ARHGAP42: variants seen among roughly 807,000 people sequenced by gnomAD.
The protein encoded by ARHGAP42 is rho GTPase-activating protein 42.
A neutral mutation model predicts 125.0 loss-of-function variants in ARHGAP42; 63 were observed. The observed-to-expected ratio is 0.50, with a 90% CI of 0.41 to 0.62. The LOEUF (loss-of-function observed/expected upper bound fraction) is 0.62, where lower values mean the gene tolerates loss of function less well. Ranked by LOEUF, ARHGAP42 falls within the 20% of genes least tolerant of loss-of-function variation. The pLI, the probability that ARHGAP42 is intolerant of heterozygous loss-of-function variation, is 0.00. For missense variants in ARHGAP42, 766 were observed against 1,024.2 expected (o/e 0.75, Z 3.44); for synonymous variants, 339 against 351.0 (o/e 0.97, Z 0.38).
intron 3 of ARHGAP42, among the ~76,000 whole-genome samples, chr11:100,846,767 C>T (rs1358746244): frequency 2.0e-5 from 3 of 152,080 alleles, no homozygotes; most frequent in South Asian, 2.1e-4. Flanking sequence ...GAGACTTAGC[C>T]TAGGAATATT....
intron 4 of ARHGAP42, among the ~76,000 whole-genome samples, chr11:100,876,827 T>G (rs1865833480): frequency 6.6e-6 from 1 of 152,216 alleles, no homozygotes; most frequent in South Asian, 2.1e-4. Context: ...TGTTCTGTAT[T>G]TAGAGTTGAT....
intron 1 of ARHGAP42, among the ~76,000 whole-genome samples, chr11:100,714,486 T>A (rs1008904228): frequency 2.0e-5 from 3 of 151,940 alleles, no homozygotes; most frequent in Non-Finnish European, 2.9e-5. Flanking sequence ...CCAGAGCTGA[T>A]GGGATGCCTC....
At chr11:100,940,613 A>G (rs1867854722) in intron 8 of ARHGAP42, among the ~76,000 whole-genome samples, 1 of 152,198 alleles carries the variant, frequency 6.6e-6, no homozygotes, top group South Asian at 2.1e-4. Context: ...GAAAGTGAAC[A>G]TTACACATAC....
chr11:100,816,247 C>A (rs1591205220), intron 3 of ARHGAP42, among the ~76,000 whole-genome samples: 1 of 152,130 alleles, frequency 6.6e-6, no homozygotes, highest in South Asian at 2.1e-4. Flanking sequence ...ATAATGGCTG[C>A]ACTGTTTTAC....
chr11:100,900,601 T>A (rs1283613330), intron 4 of ARHGAP42, among the ~76,000 whole-genome samples: 1 of 152,168 alleles, frequency 6.6e-6, no homozygotes, highest in Non-Finnish European at 1.5e-5. Context: ...GAGGCTTTGT[T>A]CATTTCTTTT....
intron 6 of ARHGAP42, among the ~76,000 whole-genome samples, chr11:100,926,982 A>G (rs1565279565): frequency 6.6e-6 from 1 of 152,176 alleles, no homozygotes. Context: ...TAATGTTTAA[A>G]GTTAATGCAG....
chr11:100,788,938 TGTGATGG>T (rs1565214572), intron 2 of ARHGAP42, among the ~76,000 whole-genome samples: 1 of 152,224 alleles, frequency 6.6e-6, no homozygotes, highest in Non-Finnish European at 1.5e-5. Context: ...AAACTACTGA[TGTGATGG>T]TCCTTAGATT....
intron 17 of ARHGAP42, among the ~76,000 whole-genome samples, chr11:100,972,632 A>T (rs528118071): frequency 3.3e-5 from 5 of 152,272 alleles, no homozygotes; most frequent in Admixed American, 2.0e-4. Context: ...CAGTCAGGAG[A>T]CCTGAATTGA....
chr11:100,728,794 A>C (rs141531871), intron 1 of ARHGAP42, among the ~76,000 whole-genome samples: 78 of 138,292 alleles, frequency 5.6e-4, no homozygotes, highest in African/African-American at 2.0e-3. Flanking sequence ...TTTGAGATGG[A>C]GTCTCACTCT....
chr11:100,698,394 C>G (rs894748614), intron 1 of ARHGAP42, among the ~76,000 whole-genome samples: 1 of 152,146 alleles, frequency 6.6e-6, no homozygotes, highest in Non-Finnish European at 1.5e-5. Context: ...TCACTTGAGC[C>G]CAGGAGGTCC....
In ARHGAP42 at chr11:100,776,069, G is replaced by T. The variant is rs141646756; in HGVS notation, c.250+5631G>T. Among the ~76,000 whole-genome samples, 31 of 151,858 alleles carry T rather than the reference G, an allele frequency of 2.0e-4. No homozygotes were observed. In the East Asian group the frequency reaches 4.3e-3, roughly 21 times the overall value. On this transcript the variant is annotated intron_variant, in intron 2 of 23. Coordinates refer to ENST00000298815, the MANE Select transcript of ARHGAP42 (RefSeq NM_152432.4). ...AGCTACTTGGGAATCTGAGGCAGGA[G>T]AATAGCTTGAACCTGGGAGGGGGTT...
intron 17 of ARHGAP42, 32 bp from the exon 18 acceptor site, chr11:100,973,143 C>T: frequency 1.4e-6 from 2 of 1,481,400 alleles, no homozygotes; most frequent in Non-Finnish European, 1.8e-6. Context: ...AAACATATAA[C>T]TTAAGATATT....
intron 1 of ARHGAP42, among the ~76,000 whole-genome samples, chr11:100,734,790 T>C (rs992521163): frequency 2.6e-5 from 4 of 152,220 alleles, no homozygotes; most frequent in Non-Finnish European, 5.9e-5. Context: ...ACAGATGTGG[T>C]GGCAGAACAA....
chr11:100,801,184 TG>T (rs1049593684), intron 3 of ARHGAP42, among the ~76,000 whole-genome samples: 1 of 152,110 alleles, frequency 6.6e-6, no homozygotes, highest in Admixed American at 6.5e-5. Flanking sequence ...TATGTATAGA[TG>T]GTGAGAGATT....
chr11:100,929,587 T>C (rs1867520312), intron 6 of ARHGAP42, among the ~76,000 whole-genome samples: 1 of 152,202 alleles, frequency 6.6e-6, no homozygotes, highest in Non-Finnish European at 1.5e-5. Context: ...ATTATCTCAC[T>C]TTTTGAGTCT....
At chr11:100,756,261 G>A (rs1862575769) in intron 1 of ARHGAP42, among the ~76,000 whole-genome samples, 1 of 149,940 alleles carries the variant, frequency 6.7e-6, no homozygotes, top group South Asian at 2.1e-4. Context: ...AGCTGGGCAT[G>A]GTGTCATATA....
At chr11:100,919,646 C>A (rs1052690783) in intron 5 of ARHGAP42, among the ~76,000 whole-genome samples, 5 of 152,056 alleles carry the variant, frequency 3.3e-5, no homozygotes, top group African/African-American at 1.2e-4. Flanking sequence ...AAGCAGTCCT[C>A]CCACGTTGGC....
chr11:100,882,960 C>A (rs1034395028), intron 4 of ARHGAP42, among the ~76,000 whole-genome samples: 1 of 152,162 alleles, frequency 6.6e-6, no homozygotes, highest in Admixed American at 6.5e-5. Context: ...GCTCCCATTT[C>A]ATTTCTAATT....
At chr11:100,730,531 G>C (rs932631679) in intron 1 of ARHGAP42, among the ~76,000 whole-genome samples, 3 of 152,200 alleles carry the variant, frequency 2.0e-5, no homozygotes, top group Non-Finnish European at 4.4e-5. Flanking sequence ...ATGCACGTTA[G>C]AGCTTAAATT....
Sources: allele counts gnomAD v4.1 joint callset (sites outside exome capture counted in the v4.1 genomes callset), GRCh38; gene constraint gnomAD v4.1.1; transcripts MANE v1.5; gene names NCBI Gene and HGNC (gene_info 2026-07-23, HGNC 2026-07-21).